PRDM5: variants seen among roughly 807,000 people sequenced by gnomAD.
PRDM5 encodes PR/SET domain 5.
PRDM5 carries 56 observed loss-of-function variants against 81.2 expected under a neutral mutation model. That is an observed-to-expected ratio of 0.69 (90% CI 0.56 to 0.86). The LOEUF is 0.86. PRDM5 is among the 40% of genes least tolerant of loss of function. The pLI is 0.00. For missense variants in PRDM5, 697 were observed against 770.1 expected (o/e 0.91, Z 1.12); for synonymous variants, 267 against 256.4 (o/e 1.04, Z -0.39).
intron 3 of PRDM5, among the ~76,000 whole-genome samples, chr4:120,843,412 T>C (rs1758279542): frequency 6.6e-6 from 1 of 151,158 alleles, no homozygotes; most frequent in African/African-American, 2.4e-5. Flanking sequence ...ACATAAAAGG[T>C]GCTCTATAGG....
At chr4:120,818,625 T>A in intron 4 of PRDM5, 98 bp from the exon 5 acceptor site, 15 of 1,020,866 alleles carry the variant, frequency 1.5e-5, no homozygotes, top group Non-Finnish European at 2.0e-5. Flanking sequence ...TAATTGTGCT[T>A]AATGATACCA....
chr4:120,775,053 G>A (rs893521593), intron 13 of PRDM5, among the ~76,000 whole-genome samples: 1 of 150,960 alleles, frequency 6.6e-6, no homozygotes, highest in Non-Finnish European at 1.5e-5. Flanking sequence ...AATTGTATGT[G>A]TTAGTTCATT....
chr4:120,795,483 C>G (rs1751212920), intron 10 of PRDM5, among the ~76,000 whole-genome samples: 1 of 151,020 alleles, frequency 6.6e-6, no homozygotes, highest in Non-Finnish European at 1.5e-5. Context: ...TAAAATACAA[C>G]TGTAATTCAG....
intron 7 of PRDM5, among the ~76,000 whole-genome samples, chr4:120,813,638 A>G (rs1405710925): frequency 6.6e-6 from 1 of 152,224 alleles, no homozygotes; most frequent in African/African-American, 2.4e-5. Context: ...TAACATGGCT[A>G]CTAAAGGAGA....
intron 14 of PRDM5, among the ~76,000 whole-genome samples, chr4:120,742,733 A>C (rs11726349): frequency 0.19 from 29,616 of 152,130 alleles, 3,533 homozygotes; most frequent in Non-Finnish European, 0.27. Flanking sequence ...TAGAGAAAAA[A>C]GAATAAAAAG....
At chr4:120,873,987 T>G (rs1277585802) in intron 2 of PRDM5, among the ~76,000 whole-genome samples, 1 of 152,190 alleles carries the variant, frequency 6.6e-6, no homozygotes, top group African/African-American at 2.4e-5. Context: ...CACATAATAA[T>G]TGTACATATT....
intron 2 of PRDM5, among the ~76,000 whole-genome samples, chr4:120,890,298 A>C (rs549608671): frequency 7.0e-4 from 107 of 152,254 alleles, no homozygotes; most frequent in Non-Finnish European, 1.2e-3. Context: ...AAATGAACAG[A>C]TCTCAGGAGA....
chr4:120,734,828 A>G (rs1740872846), intron 14 of PRDM5, among the ~76,000 whole-genome samples: 2 of 151,968 alleles, frequency 1.3e-5, no homozygotes, highest in Non-Finnish European at 2.9e-5. Flanking sequence ...CCCTCCTCCT[A>G]TGCTGAGGTA....
At chr4:120,834,106 A>G (rs765719138) in intron 3 of PRDM5, among the ~76,000 whole-genome samples, 1 of 152,174 alleles carries the variant, frequency 6.6e-6, no homozygotes, top group Non-Finnish European at 1.5e-5. Context: ...ACGTGGAGGG[A>G]CTGAAAAATC....
At chr4:120,881,962 C>G (rs1415433556) in intron 2 of PRDM5, among the ~76,000 whole-genome samples, 1 of 152,178 alleles carries the variant, frequency 6.6e-6, no homozygotes, top group African/African-American at 2.4e-5. Context: ...ACCAAGCTGA[C>G]CAAATCTACA....
At chr4:120,888,859 T>C (rs1375221900) in intron 2 of PRDM5, among the ~76,000 whole-genome samples, 1 of 152,252 alleles carries the variant, frequency 6.6e-6, no homozygotes, top group Non-Finnish European at 1.5e-5. Context: ...TAAATATCTT[T>C]TCATGTTCAT....
chr4:120,707,918 C>A (rs1736435671), intron 15 of PRDM5, among the ~76,000 whole-genome samples: 1 of 151,902 alleles, frequency 6.6e-6, no homozygotes. Flanking sequence ...AAGATGCTCA[C>A]CATCATTTGT....
chr4:120,722,421 C>G (rs1738761733), intron 14 of PRDM5, among the ~76,000 whole-genome samples: 1 of 151,974 alleles, frequency 6.6e-6, no homozygotes, highest in South Asian at 2.1e-4. Context: ...AACCCTGATT[C>G]TATTTGGGTG....
Position 120,770,464 on chromosome 4 carries a change from C to CTT in PRDM5, c.1537+6722_1537+6723dup, listed in dbSNP as rs10610024. Among the ~76,000 whole-genome samples, 370 of 146,780 alleles carry CTT rather than the reference C, an allele frequency of 2.5e-3. 3 individuals are homozygous for CTT. Among genetic ancestry groups the CTT allele is most frequent in the African/African-American group, 8.6e-3 (341 of 39,758 alleles). On this transcript the variant is annotated intron_variant, in intron 13 of 15. Coordinates refer to ENST00000264808, the MANE Select transcript of PRDM5 (RefSeq NM_018699.4). The stretch of plus-strand genomic sequence containing the variant: ...AATTTGCTTTCTCCTTCTCATTTCT[C>CTT]TTTTTTTTTTTTTTAATGGGAGAAA...
chr4:120,754,392 G>T (rs1303153317), intron 14 of PRDM5, among the ~76,000 whole-genome samples, 161 bp downstream of exon 14: 1 of 149,700 alleles, frequency 6.7e-6, no homozygotes, highest in African/African-American at 2.5e-5. Context: ...TTCTTTCATT[G>T]TTTTATCTTT....
chr4:120,806,055 C>G (rs1219368942), intron 8 of PRDM5, among the ~76,000 whole-genome samples: 3 of 152,064 alleles, frequency 2.0e-5, no homozygotes, highest in South Asian at 4.1e-4. Context: ...ACACCAATAA[C>G]AGAAAAACAG....
chr4:120,758,018 A>G (rs1745036604), intron 13 of PRDM5, among the ~76,000 whole-genome samples: 1 of 152,016 alleles, frequency 6.6e-6, no homozygotes, highest in Non-Finnish European at 1.5e-5. Flanking sequence ...CAGTACCTAC[A>G]TCAACAAACC....
intron 3 of PRDM5, among the ~76,000 whole-genome samples, chr4:120,844,546 C>T (rs1016196103): frequency 6.6e-6 from 1 of 152,134 alleles, no homozygotes; most frequent in Non-Finnish European, 1.5e-5. Context: ...TAGGGGGCCA[C>T]CATAAACCAT....
intron 11 of PRDM5, 30 bp downstream of exon 11, chr4:120,784,968 A>G (rs1478582502): frequency 6.6e-7 from 1 of 1,510,134 alleles, no homozygotes; most frequent in South Asian, 1.1e-5. Context: ...ATAATTCCTT[A>G]TATTCTCAAC....
Sources: gnomAD v4.1 joint callset for allele counts (sites outside exome capture counted in the v4.1 genomes callset) on GRCh38, gnomAD v4.1.1 for gene constraint, MANE v1.5 for transcripts, NCBI Gene and HGNC (gene_info 2026-07-23, HGNC 2026-07-21) for gene names.